The following COMMD10 variants were observed in gnomAD, a reference collection of about 807,000 sequenced individuals.
The protein encoded by COMMD10 is COMM domain containing 10.
A neutral mutation model predicts 28.9 loss-of-function variants in COMMD10; 33 were observed. That is an observed-to-expected ratio of 1.14 (90% CI 0.87 to 1.53). The LOEUF is 1.53. COMMD10 is among the 40% of genes most tolerant of loss of function. The pLI is 0.00. For missense variants in COMMD10, 310 were observed against 233.4 expected (o/e 1.33, Z -2.14); for synonymous variants, 110 against 81.7 (o/e 1.35, Z -1.87).
intron 5 of COMMD10, among the ~76,000 whole-genome samples, chr5:116,184,218 CTCTTT>C (rs1453115114): frequency 2.0e-5 from 3 of 150,766 alleles, no homozygotes; most frequent in African/African-American, 4.9e-5. Context: ...AGTTCTGTCT[CTCTTT>C]TTTTTTTTAA....
intron 5 of COMMD10, among the ~76,000 whole-genome samples, chr5:116,191,895 A>AC (rs909512659): frequency 2.0e-5 from 3 of 147,094 alleles, no homozygotes; most frequent in East Asian, 2.2e-4. Flanking sequence ...CCGTTGCACA[A>AC]CCCCCCATCC....
At chr5:116,272,219 C>G (rs1415138747) in intron 5 of COMMD10, among the ~76,000 whole-genome samples, 1 of 151,634 alleles carries the variant, frequency 6.6e-6, no homozygotes, top group Non-Finnish European at 1.5e-5. Context: ...CTTTTTGTAC[C>G]TTACTAACTG....
chr5:116,237,407 A>T (rs1412917520), intron 5 of COMMD10, among the ~76,000 whole-genome samples: 6 of 152,188 alleles, frequency 3.9e-5, no homozygotes, highest in Admixed American at 3.3e-4. Context: ...CAGATGTAAC[A>T]TTGCAGTTTT....
intron 5 of COMMD10, among the ~76,000 whole-genome samples, chr5:116,199,903 A>T (rs1748620439): frequency 6.6e-6 from 1 of 152,092 alleles, no homozygotes; most frequent in South Asian, 2.1e-4. Context: ...TTAAAGGGTG[A>T]TTTCAAAGGG....
At chr5:116,184,571 T>G (rs1171244127) in intron 5 of COMMD10, among the ~76,000 whole-genome samples, 1 of 152,044 alleles carries the variant, frequency 6.6e-6, no homozygotes, top group Non-Finnish European at 1.5e-5. Flanking sequence ...GGTGTAGAAA[T>G]AAGATATAAT....
chr5:116,157,371 G>A (rs115741245), intron 5 of COMMD10, among the ~76,000 whole-genome samples: 1,998 of 152,272 alleles, frequency 0.013, 42 homozygotes, highest in African/African-American at 0.045. Context: ...AAGGCAGTTG[G>A]CTGGCTGGGC....
chr5:116,284,776 G>C (rs1751174144), intron 5 of COMMD10, among the ~76,000 whole-genome samples: 1 of 151,722 alleles, frequency 6.6e-6, no homozygotes, highest in Non-Finnish European at 1.5e-5. Context: ...AGATACTAAT[G>C]AACTATGAGT....
chr5:116,109,913 T>C (rs1181209176), intron 4 of COMMD10, among the ~76,000 whole-genome samples: 1 of 152,226 alleles, frequency 6.6e-6, no homozygotes, highest in African/African-American at 2.4e-5. Flanking sequence ...CTATGTTAAA[T>C]AGGAGTAGTG....
At chr5:116,226,332 A>T (rs572131696) in intron 5 of COMMD10, among the ~76,000 whole-genome samples, 18 of 151,998 alleles carry the variant, frequency 1.2e-4, no homozygotes, top group African/African-American at 4.3e-4. Context: ...TAAACATTCA[A>T]TGAAATTCAA....
intron 5 of COMMD10, among the ~76,000 whole-genome samples, chr5:116,184,197 A>G (rs1363915831): frequency 2.1e-5 from 3 of 140,946 alleles, no homozygotes; most frequent in East Asian, 2.0e-4. Context: ...AGACATTTCT[A>G]TGTGGTTCTT....
intron 5 of COMMD10, among the ~76,000 whole-genome samples, chr5:116,140,349 G>A (rs979980320): frequency 1.3e-5 from 2 of 151,298 alleles, no homozygotes; most frequent in Admixed American, 6.6e-5. Flanking sequence ...AGATAGTTAC[G>A]TTGTTTCCAT....
intron 5 of COMMD10, among the ~76,000 whole-genome samples, chr5:116,221,697 A>G (rs1406290903): frequency 6.6e-6 from 1 of 152,222 alleles, no homozygotes; most frequent in South Asian, 2.1e-4. Context: ...GATGAAATGT[A>G]GCATTATTAC....
intron 5 of COMMD10, among the ~76,000 whole-genome samples, chr5:116,273,789 A>G (rs925968209): frequency 6.6e-6 from 1 of 151,706 alleles, no homozygotes; most frequent in Non-Finnish European, 1.5e-5. Context: ...CAAATTTTTT[A>G]TTGACTTCAT....
At chr5:116,206,957 GA>G (rs147780231) in intron 5 of COMMD10, among the ~76,000 whole-genome samples, 14,397 of 151,282 alleles carry the variant, frequency 0.095, 849 homozygotes, top group East Asian at 0.24. Context: ...AATGTTGTAT[GA>G]AAAAAACTTC....
chr5:116,229,634 T>G (rs185539806), intron 5 of COMMD10, among the ~76,000 whole-genome samples: 1 of 152,184 alleles, frequency 6.6e-6, no homozygotes, highest in African/African-American at 2.4e-5. Flanking sequence ...TCATCTAAAT[T>G]GGAAGACAAA....
chr5:116,098,886 C>T (rs561976678), intron 4 of COMMD10, among the ~76,000 whole-genome samples: 1 of 152,274 alleles, frequency 6.6e-6, no homozygotes, highest in South Asian at 2.1e-4. Context: ...GATTTGATAG[C>T]TGTATACATT....
rs559036853 is a variant in COMMD10, at chr5:116,123,954, C to T, written c.400-10114C>T. ...TTTTTTTTATCTATTTGATTCTTCT[C>T]GCTTTTCTTCTTTATTAATCTTGCC... is the stretch of plus-strand genomic sequence containing the variant. On this transcript the variant is annotated intron_variant, in intron 4 of 6. Coordinates refer to ENST00000274458, the MANE Select transcript of COMMD10 (RefSeq NM_016144.4). Among the ~76,000 whole-genome samples the T allele has an allele frequency of 2.0e-3, 302 of 151,264 alleles. 2 individuals are homozygous for T. The highest frequency in any genetic ancestry group is 6.9e-3 in the African/African-American group (285 of 41,312).
chr5:116,252,975 T>C (rs1750163174), intron 5 of COMMD10, among the ~76,000 whole-genome samples: 1 of 91,884 alleles, frequency 1.1e-5, no homozygotes, highest in African/African-American at 4.8e-5. Context: ...TTTTATTTCG[T>C]TGAGCAGTGG....
At chr5:116,271,936 G>A (rs1485176835) in intron 5 of COMMD10, among the ~76,000 whole-genome samples, 1 of 151,706 alleles carries the variant, frequency 6.6e-6, no homozygotes, top group East Asian at 1.9e-4. Flanking sequence ...TGTTAGCTCA[G>A]ATCTGACATG....
Sources: allele counts gnomAD v4.1 joint callset (sites outside exome capture counted in the v4.1 genomes callset), GRCh38; gene constraint gnomAD v4.1.1; transcripts MANE v1.5; gene names NCBI Gene and HGNC (gene_info 2026-07-23, HGNC 2026-07-21).